ASCC3: variants seen among roughly 807,000 people sequenced by gnomAD.
ASCC3 encodes activating signal cointegrator 1 complex subunit 3.
Under a neutral mutation model 256.3 loss-of-function variants are expected in ASCC3, and 158 were observed. That is an observed-to-expected ratio of 0.62 (90% CI 0.54 to 0.70). The LOEUF is 0.70. Among genes scored for constraint, ASCC3 ranks in the 30% least tolerant of loss-of-function variants. ASCC3 has a pLI of 0.00. For missense variants in ASCC3, 2,259 were observed against 2,626.0 expected (o/e 0.86, Z 3.05); for synonymous variants, 948 against 883.4 (o/e 1.07, Z -1.30).
intron 3 of ASCC3, among the ~76,000 whole-genome samples, chr6:100,848,920 A>T (rs922491610): frequency 6.6e-6 from 1 of 152,178 alleles, no homozygotes; most frequent in Non-Finnish European, 1.5e-5. Flanking sequence ...AGCCTGGGCA[A>T]TATGGTGAGA....
At chr6:100,638,880 A>T in intron 24 of ASCC3, 59 bp from the exon 25 acceptor site, 4 of 1,273,790 alleles carry the variant, frequency 3.1e-6, no homozygotes, top group Non-Finnish European at 4.6e-6. Flanking sequence ...AATACTGAAT[A>T]CTGTATTATA....
intron 30 of ASCC3, among the ~76,000 whole-genome samples, chr6:100,611,498 G>A (rs1353650884): frequency 6.6e-6 from 1 of 151,948 alleles, no homozygotes; most frequent in Non-Finnish European, 1.5e-5. Context: ...TTTAAAACAT[G>A]ACAATAGATA....
intron 13 of ASCC3, among the ~76,000 whole-genome samples, chr6:100,698,452 T>G (rs1424451141): frequency 6.6e-6 from 1 of 152,090 alleles, no homozygotes; most frequent in Non-Finnish European, 1.5e-5. Flanking sequence ...AAATCTAAAT[T>G]TTTAAAAGGG....
intron 4 of ASCC3, among the ~76,000 whole-genome samples, chr6:100,818,702 T>G (rs1042249839): frequency 6.8e-6 from 1 of 146,416 alleles, no homozygotes; most frequent in Non-Finnish European, 1.5e-5. Flanking sequence ...ACCACTTCTA[T>G]TCAACACTGT....
intron 37 of ASCC3, among the ~76,000 whole-genome samples, chr6:100,524,863 C>T (rs937614023): frequency 1.3e-5 from 2 of 151,760 alleles, no homozygotes; most frequent in Non-Finnish European, 2.9e-5. Context: ...CTTAATGTAT[C>T]TAGTGTTAGT....
Position 100,528,130 on chromosome 6 carries a change from C to G in ASCC3, c.5776-9988G>C, listed in dbSNP as rs1262124739. Among the ~76,000 whole-genome samples the G allele has an allele frequency of 1.1e-4, 17 of 152,170 alleles. No homozygotes were observed. The East Asian group carries it at 2.9e-3, about 26-fold the overall frequency. On this transcript the variant is annotated intron_variant, in intron 37 of 41. Coordinates refer to ENST00000369162, the MANE Select transcript of ASCC3 (RefSeq NM_006828.4). ...GGGATCACTGGCATGAGATACTGCA[C>G]TTGGCCCATACATATCTTAAGGTTA...
intron 3 of ASCC3, among the ~76,000 whole-genome samples, chr6:100,862,263 CT>C (rs1220606836): frequency 6.6e-6 from 1 of 152,140 alleles, no homozygotes; most frequent in Non-Finnish European, 1.5e-5. Flanking sequence ...TATATTGCCC[CT>C]AGGCTTAAGC....
At chr6:100,579,754 G>C (rs954336230) in intron 36 of ASCC3, among the ~76,000 whole-genome samples, 4 of 152,074 alleles carry the variant, frequency 2.6e-5, no homozygotes, top group Admixed American at 2.6e-4. Context: ...TTTGAAGTCA[G>C]GTAACATGAT....
chr6:100,821,987 A>G lies in ASCC3; in HGVS notation c.802-16107T>C, dbSNP rs1771071673. Among the ~76,000 whole-genome samples the G allele has an allele frequency of 2.6e-5, 4 of 152,216 alleles. No homozygotes were observed. The South Asian group carries it at 8.3e-4, about 32-fold the overall frequency. On this transcript the variant is annotated intron_variant, in intron 4 of 41. Coordinates refer to ENST00000369162, the MANE Select transcript of ASCC3 (RefSeq NM_006828.4). ...AAATCTCCAGACACAGAAAGTAGAT[A>G]ATTGGTTCACTAAGGGTGGAGGGGG... is the stretch of plus-strand genomic sequence containing the variant.
At chr6:100,790,125 A>G (rs979498217) in intron 8 of ASCC3, among the ~76,000 whole-genome samples, 1 of 152,026 alleles carries the variant, frequency 6.6e-6, no homozygotes, top group African/African-American at 2.4e-5. Flanking sequence ...GGGACAGTTT[A>G]TATAAGCATT....
At chr6:100,681,280 A>C (rs1777288448) in intron 13 of ASCC3, among the ~76,000 whole-genome samples, 1 of 152,174 alleles carries the variant, frequency 6.6e-6, no homozygotes, top group African/African-American at 2.4e-5. Context: ...AAAAACCCAA[A>C]ATGTTTACAG....
At chr6:100,707,169 T>C (rs1778625706) in intron 13 of ASCC3, among the ~76,000 whole-genome samples, 1 of 152,128 alleles carries the variant, frequency 6.6e-6, no homozygotes. Context: ...CAACAGTATT[T>C]CCTTATAACC....
intron 3 of ASCC3, among the ~76,000 whole-genome samples, chr6:100,849,025 G>C (rs1026662373): frequency 8.5e-5 from 13 of 152,112 alleles, no homozygotes; most frequent in Admixed American, 5.2e-4. Flanking sequence ...AGGATTGCTT[G>C]AGCCTGGAAG....
At chr6:100,533,950 T>C (rs1254854385) in intron 37 of ASCC3, among the ~76,000 whole-genome samples, 7 of 152,244 alleles carry the variant, frequency 4.6e-5, no homozygotes, top group Non-Finnish European at 7.3e-5. Context: ...CAGAGCTATT[T>C]AACTTCTCTG....
intron 8 of ASCC3, among the ~76,000 whole-genome samples, chr6:100,777,325 T>A (rs1238966742): frequency 6.6e-6 from 1 of 152,142 alleles, no homozygotes; most frequent in African/African-American, 2.4e-5. Flanking sequence ...TTAAAAAAAC[T>A]CTGATCTTTC....
intron 13 of ASCC3, among the ~76,000 whole-genome samples, chr6:100,707,280 T>C (rs1778630112): frequency 6.6e-6 from 1 of 152,096 alleles, no homozygotes; most frequent in Non-Finnish European, 1.5e-5. Context: ...ATATAATCCC[T>C]TTACCAAAGC....
intron 36 of ASCC3, among the ~76,000 whole-genome samples, chr6:100,573,077 G>C (rs941966674): frequency 1.3e-5 from 2 of 151,966 alleles, no homozygotes; most frequent in South Asian, 2.1e-4. Flanking sequence ...TAATATTGTA[G>C]GGCTCTGCTT....
intron 8 of ASCC3, among the ~76,000 whole-genome samples, chr6:100,778,170 G>A (rs891534472): frequency 2.6e-5 from 4 of 151,724 alleles, no homozygotes; most frequent in African/African-American, 4.8e-5. Flanking sequence ...TTTAGGATAT[G>A]AGGAAGATTA....
intron 14 of ASCC3, among the ~76,000 whole-genome samples, chr6:100,675,701 A>G (rs1462659276): frequency 3.9e-5 from 6 of 152,342 alleles, no homozygotes; most frequent in African/African-American, 1.4e-4. Context: ...CACAAGGCTT[A>G]TTACGTGGTA....
Sources: allele counts gnomAD v4.1 joint callset (sites outside exome capture counted in the v4.1 genomes callset), GRCh38; gene constraint gnomAD v4.1.1; transcripts MANE v1.5; gene names NCBI Gene and HGNC (gene_info 2026-07-23, HGNC 2026-07-21).